The following SGCD variants were observed in gnomAD, a reference collection of about 807,000 sequenced individuals.
SGCD encodes sarcoglycan delta, also known as delta-sarcoglycan.
A neutral mutation model predicts 36.6 loss-of-function variants in SGCD; 18 were observed. That is an observed-to-expected ratio of 0.49 (90% CI 0.34 to 0.73). SGCD has a LOEUF of 0.73. SGCD is among the 30% of genes least tolerant of loss of function. SGCD has a pLI of 0.01. For missense variants in SGCD, 387 were observed against 346.7 expected, an observed-to-expected ratio of 1.12 and a Z score of -0.92; for synonymous variants, 133 against 130.6, an observed-to-expected ratio of 1.02 and a Z score of -0.12.
intron 1 of SGCD, among the ~76,000 whole-genome samples, chr5:156,083,382 C>T (rs1761011796): frequency 6.6e-6 from 1 of 151,678 alleles, no homozygotes; most frequent in Non-Finnish European, 1.5e-5. Context: ...GCAGCCTCCG[C>T]CTCCCAGGTC....
chr5:156,752,738 G>GTGTC (rs1757196653), intron 7 of SGCD, among the ~76,000 whole-genome samples: 1 of 152,048 alleles, frequency 6.6e-6, no homozygotes, highest in African/African-American at 2.4e-5. Context: ...ATATTATTTT[G>GTGTC]TGTCTATTCA....
Position 155,919,291 on chromosome 5 carries a change from G to A in SGCD, c.-282+48867G>A, listed in dbSNP as rs115958203. Among the ~76,000 whole-genome samples the A allele has an allele frequency of 2.0e-3, 309 of 152,254 alleles. 1 individual carries two copies. Among genetic ancestry groups the A allele is most frequent in the African/African-American group, 7.1e-3 (295 of 41,554 alleles). ...CATTGCTAGTACATGATTGAGTTAC[G>A]ACATGCACATCTGTTTTTCCACTTA... On this transcript the variant is annotated intron_variant, in intron 1 of 9. Coordinates refer to the SGCD transcript ENST00000517913.
intron 6 of SGCD, among the ~76,000 whole-genome samples, chr5:156,634,520 C>T (rs191015301): frequency 1.3e-3 from 198 of 152,092 alleles, no homozygotes; most frequent in African/African-American, 4.3e-3. Context: ...GAAGCCAGAC[C>T]CAGAACTCTT....
intron 3 of SGCD, among the ~76,000 whole-genome samples, chr5:156,315,068 A>G (rs1385186107): frequency 1.3e-5 from 2 of 151,986 alleles, no homozygotes; most frequent in African/African-American, 2.4e-5. Flanking sequence ...TGTGGTGGGT[A>G]CACTTGAAAT....
chr5:156,549,151 T>TTTTTTTTTTTTTTTTTTTTTTGAG (rs1758695198), intron 4 of SGCD, among the ~76,000 whole-genome samples: 1 of 151,934 alleles, frequency 6.6e-6, no homozygotes, highest in African/African-American at 2.4e-5. Context: ...TAGGACTATT[T>TTTTTTTTTTTTTTTTTTTTTTGAG]AACATTCTAT....
At chr5:156,007,325 C>T (rs929855022) in intron 1 of SGCD, among the ~76,000 whole-genome samples, 16 of 152,174 alleles carry the variant, frequency 1.1e-4, no homozygotes, top group African/African-American at 3.9e-4. Context: ...AAATCTTTAA[C>T]AAGGTAAGAT....
rs61122746 is a variant in SGCD, at chr5:156,166,116, A to T, written c.-44+42097A>T. ...TTATTTGTAGTGGCTTTTTGGGATT[A>T]TCAGAGGGCTCTAGAATTTAATTGG... On this transcript the variant is annotated intron_variant, in intron 3 of 9. Transcript: ENST00000517913. Among the ~76,000 whole-genome samples, 1,328 of 152,220 alleles carry T rather than the reference A, an allele frequency of 8.7e-3. 14 individuals carry two copies. Among genetic ancestry groups the T allele is most frequent in the African/African-American group, 0.031 (1,278 of 41,550 alleles).
At chr5:156,083,801 T>C (rs1761028234) in intron 1 of SGCD, among the ~76,000 whole-genome samples, 1 of 150,306 alleles carries the variant, frequency 6.7e-6, no homozygotes. Context: ...TTTTGTTTTT[T>C]GTTTGTTTGT....
intron 1 of SGCD, among the ~76,000 whole-genome samples, chr5:156,081,407 T>G (rs979323721): frequency 4.6e-5 from 7 of 152,144 alleles, no homozygotes; most frequent in African/African-American, 1.4e-4. Context: ...ACTTTTTTTT[T>G]CTTTGAGACA....
At chr5:156,681,350 G>C (rs532454253) in intron 7 of SGCD, among the ~76,000 whole-genome samples, 1 of 152,290 alleles carries the variant, frequency 6.6e-6, no homozygotes, top group South Asian at 2.1e-4. Flanking sequence ...AGCCACAACT[G>C]TCCTTAGTCT....
At chr5:156,725,938 T>C (rs1755752537) in intron 7 of SGCD, among the ~76,000 whole-genome samples, 2 of 152,266 alleles carry the variant, frequency 1.3e-5, no homozygotes. Flanking sequence ...TGATAGTTTA[T>C]TACTCTTATG....
chr5:156,232,900 G>C (rs1765056351), intron 3 of SGCD, among the ~76,000 whole-genome samples: 1 of 152,158 alleles, frequency 6.6e-6, no homozygotes, highest in Non-Finnish European at 1.5e-5. Flanking sequence ...GAAAAGACTG[G>C]AGACAAAGAT....
chr5:156,407,512 G>T (rs953240616), intron 3 of SGCD, among the ~76,000 whole-genome samples: 1 of 152,154 alleles, frequency 6.6e-6, no homozygotes, highest in Admixed American at 6.5e-5. Context: ...CTCATAAAAT[G>T]TTGAACAAAC....
At chr5:156,393,917 T>A (rs1187821787) in intron 3 of SGCD, 2 of 442,174 alleles carry the variant, frequency 4.5e-6, no homozygotes, top group Non-Finnish European at 9.2e-6. Context: ...TCGTTGACAC[T>A]CACAAGAGAT....
intron 1 of SGCD, among the ~76,000 whole-genome samples, chr5:155,987,367 C>T (rs562510637): frequency 6.6e-6 from 1 of 152,280 alleles, no homozygotes; most frequent in African/African-American, 2.4e-5. Flanking sequence ...AAAATCCACG[C>T]TCTTCCATGT....
rs565686757 is a variant in SGCD at position 155,917,964 on chromosome 5, G to T, written c.-282+47540G>T. On this transcript the variant is annotated intron_variant, in intron 1 of 9. Transcript: ENST00000517913. ...GGTTTCATTTACCCTGTTAGGAACA[G>T]CATATGTTTGTGTTCTATTTTTTGG... Among the ~76,000 whole-genome samples the T allele has an allele frequency of 1.1e-4, 16 of 152,250 alleles. No homozygotes were observed. The South Asian group carries it at 3.3e-3, about 32-fold the overall frequency.
the SGCD span, among the ~76,000 whole-genome samples, chr5:155,795,484 A>G: frequency 2.6e-5 from 4 of 152,156 alleles, no homozygotes; most frequent in Non-Finnish European, 5.9e-5. Flanking sequence ...TAAAGAGTGC[A>G]TATTTTTGAG....
intron 7 of SGCD, among the ~76,000 whole-genome samples, chr5:156,654,214 G>A (rs569721320): frequency 1.3e-5 from 2 of 152,104 alleles, no homozygotes; most frequent in Non-Finnish European, 2.9e-5. Flanking sequence ...CACAGGGGAG[G>A]GGAGATGAGG....
intron 3 of SGCD, among the ~76,000 whole-genome samples, chr5:156,497,168 GCA>G (rs1756230667): frequency 6.4e-5 from 7 of 108,782 alleles, no homozygotes; most frequent in East Asian, 2.9e-4. Flanking sequence ...TCACTCTCCT[GCA>G]CTCTCTCTCT....
Sources: allele counts gnomAD v4.1 joint callset (sites outside exome capture counted in the v4.1 genomes callset), GRCh38; gene constraint gnomAD v4.1.1; transcripts MANE v1.5; gene names NCBI Gene and HGNC (gene_info 2026-07-23, HGNC 2026-07-21).